Variants in LRP1B observed in about 807,000 individuals in gnomAD.
The protein encoded by LRP1B is low-density lipoprotein receptor-related protein 1B.
LRP1B carries 217 observed loss-of-function variants against 556.6 expected under a neutral mutation model. That is an observed-to-expected ratio of 0.39 (90% CI 0.35 to 0.44). The LOEUF (loss-of-function observed/expected upper bound fraction) is 0.44, where lower values mean the gene tolerates loss of function less well. Among genes scored for constraint, LRP1B ranks in the 20% least tolerant of loss-of-function variants. The pLI is 1.00. For synonymous variants in LRP1B, 2,047 were observed against 1,865.8 expected (o/e 1.10, Z -2.50); for missense variants, 5,053 against 5,620.8 (o/e 0.90, Z 3.23).
intron 7 of LRP1B, among the ~76,000 whole-genome samples, chr2:141,145,411 A>C (rs1701756725): frequency 6.6e-6 from 1 of 152,032 alleles, no homozygotes; most frequent in African/African-American, 2.4e-5. Context: ...ATTACATTGC[A>C]TATACTATGT....
intron 2 of LRP1B, among the ~76,000 whole-genome samples, chr2:141,583,874 G>A (rs952994392): frequency 6.6e-6 from 1 of 151,472 alleles, no homozygotes; most frequent in Non-Finnish European, 1.5e-5. Context: ...CAGGTAGCTG[G>A]GACTACAGCC....
chr2:142,104,848 C>T (rs1706691551), intron 1 of LRP1B, among the ~76,000 whole-genome samples: 1 of 152,284 alleles, frequency 6.6e-6, no homozygotes, highest in Middle Eastern at 3.4e-3. Flanking sequence ...TTCATATTGT[C>T]TTTACCTATC....
chr2:141,582,427 T>C (rs1291873114), intron 2 of LRP1B, among the ~76,000 whole-genome samples: 1 of 152,214 alleles, frequency 6.6e-6, no homozygotes, highest in Non-Finnish European at 1.5e-5. Context: ...CTGATAGGCA[T>C]AGTATTATTT....
At chr2:140,940,823 C>A (rs1695378500) in intron 20 of LRP1B, among the ~76,000 whole-genome samples, 1 of 152,080 alleles carries the variant, frequency 6.6e-6, no homozygotes, top group Non-Finnish European at 1.5e-5. Context: ...ATTTCTGGTT[C>A]TAGGTCTTTG....
At position 142,130,785 on chromosome 2, in the gene LRP1B, C is replaced by CCGGCGGCGG. The variant is rs3832053; in HGVS notation, c.-65_-57dup. On this transcript the variant is annotated 5_prime_UTR_variant, in exon 1 of 91. Coordinates refer to ENST00000389484, the MANE Select transcript of LRP1B (RefSeq NM_018557.3). ...GAGACTGCTCGGCGGCACCTTCGGC[C>CCGGCGGCGG]CGGCGGCGGCGGCGGCGGCAGGGGC... The CCGGCGGCGG allele has an allele frequency of 6.9e-6, 10 of 1,458,626 alleles. No individual in the cohort carries two copies. The highest frequency in any genetic ancestry group is 4.9e-5 in the East Asian group (2 of 40,722). 90.4% of individuals were successfully genotyped at this position (1,458,626 alleles called of 1,614,324 possible). A position where few individuals can be genotyped will look rare whatever the true frequency, so the allele number is the denominator to read the frequency against.
rs1420224880 is a variant in LRP1B, at chr2:140,390,449, G to T, written c.10415-4440C>A. Among the ~76,000 whole-genome samples the T allele has an allele frequency of 3.3e-5, 5 of 151,780 alleles. No individual in the cohort carries two copies. The East Asian group carries it at 9.7e-4, about 29-fold the overall frequency. ...TCCATCCCATGCCATACATAAAAAA[G>T]CAATCTGAAAGTATAAACATAATGT... On this transcript the variant is annotated intron_variant, in intron 66 of 90. Coordinates refer to ENST00000389484, the MANE Select transcript of LRP1B (RefSeq NM_018557.3).
In LRP1B at chr2:140,883,965, T is replaced by A. The variant is rs2105187477; in HGVS notation, c.4021A>T (p.Thr1341Ser). Residue 1341 changes from threonine to serine, a missense_variant, in exon 25 of 91, where the codon ACA (threonine) becomes TCA (serine). Thr to Ser is a moderately conservative substitution (Grantham distance 58). This residue lies in a region of LRP1B where 3,619 missense variants were observed against 3,931.9 expected (regional missense o/e 0.92). Transcript: ENST00000389484. Reference sequence around the variant, plus strand: ...ATGTTTCCTGCTATCCAGTCGACTGTCAGGCCTTCTGGAGTAGCCAGGCCA... The same window carrying A: ...ATGTTTCCTGCTATCCAGTCGACTGACAGGCCTTCTGGAGTAGCCAGGCCA... ...EHGLATPEGL[T>S]VDWIAGNIYW... 1 of 1,613,356 alleles carries A rather than the reference T, an allele frequency of 6.2e-7. No homozygotes were observed. Among genetic ancestry groups the A allele is most frequent in the South Asian group, 1.1e-5 (1 of 91,030 alleles).
At chr2:141,401,571 G>A (rs567414859) in intron 3 of LRP1B, among the ~76,000 whole-genome samples, 1 of 152,206 alleles carries the variant, frequency 6.6e-6, no homozygotes, top group East Asian at 1.9e-4. Context: ...TGCTAGCAAT[G>A]CATGCATCAC....
chr2:140,814,046 C>T (rs1349992421), intron 31 of LRP1B, among the ~76,000 whole-genome samples: 1 of 152,150 alleles, frequency 6.6e-6, no homozygotes, highest in Non-Finnish European at 1.5e-5. Flanking sequence ...GCAATTATAG[C>T]TCACTGCAGC....
Position 140,514,684 on chromosome 2 carries a change from C to A in LRP1B, c.8238G>T (p.Gly2746=), listed in dbSNP as rs61732738. 1 of 1,612,064 alleles carries A rather than the reference C, an allele frequency of 6.2e-7. No homozygotes were observed. Among genetic ancestry groups the A allele is most frequent in the Non-Finnish European group, 8.5e-7 (1 of 1,178,678 alleles). Residue 2746 remains glycine, a synonymous_variant, in exon 51 of 91, where the codon GGG becomes GGT. Coordinates refer to ENST00000389484, the MANE Select transcript of LRP1B (RefSeq NM_018557.3). The part of the protein sequence containing the change: ...HWICDGEDDC[G]DGLDESDSIC... ...TGCTGTCACTTTCATCTAACCCATC[C>A]CCACAGTCATCTTCTCCATCACAAA... is the stretch of plus-strand genomic sequence containing the variant.
intron 1 of LRP1B, among the ~76,000 whole-genome samples, chr2:141,833,172 A>T (rs1200520305): frequency 6.6e-6 from 1 of 151,776 alleles, no homozygotes; most frequent in Non-Finnish European, 1.5e-5. Context: ...CACTAAAATA[A>T]ATTTTAAAAT....
chr2:141,464,606 A>ATATTTTTTTTTTT, intron 3 of LRP1B, among the ~76,000 whole-genome samples: 31 of 90,430 alleles, frequency 3.4e-4, no homozygotes, highest in East Asian at 5.6e-4. Context: ...ATATATATAT[A>ATATTTTTTTTTTT]TTTTTTTAGT....
intron 17 of LRP1B, among the ~76,000 whole-genome samples, chr2:140,988,549 A>G (rs923054882): frequency 5.3e-5 from 8 of 151,772 alleles, no homozygotes; most frequent in Admixed American, 3.3e-4. Flanking sequence ...TAATACTCTT[A>G]CCGTGCTGGA....
intron 2 of LRP1B, among the ~76,000 whole-genome samples, chr2:141,511,785 A>G (rs955222631): frequency 1.3e-5 from 2 of 152,190 alleles, no homozygotes; most frequent in African/African-American, 4.8e-5. Flanking sequence ...AGTCAAAAGA[A>G]TGGCTTTAAC....
intron 29 of LRP1B, among the ~76,000 whole-genome samples, chr2:140,848,810 T>C (rs1343597916): frequency 6.6e-6 from 1 of 152,166 alleles, no homozygotes. Flanking sequence ...TGCCAAACTT[T>C]AAGCAAATAT....
intron 1 of LRP1B, among the ~76,000 whole-genome samples, chr2:141,865,314 C>T (rs1031523279): frequency 7.9e-5 from 12 of 151,966 alleles, no homozygotes; most frequent in Non-Finnish European, 1.5e-4. Context: ...CAGAAATGGC[C>T]GGGCGCGGTG....
At chr2:140,869,522 T>C (rs969988708) in intron 25 of LRP1B, among the ~76,000 whole-genome samples, 2 of 152,084 alleles carry the variant, frequency 1.3e-5, no homozygotes, top group Non-Finnish European at 2.9e-5. Flanking sequence ...GTGGCTATTA[T>C]ACAGAGAATA....
At chr2:142,115,965 C>T (rs1707257681) in intron 1 of LRP1B, among the ~76,000 whole-genome samples, 1 of 139,976 alleles carries the variant, frequency 7.1e-6, no homozygotes, top group South Asian at 2.2e-4. Flanking sequence ...ACCTGTAATC[C>T]CAGCACTTTG....
At chr2:140,683,481 C>G in intron 41 of LRP1B, 1 of 568,216 alleles carries the variant, frequency 1.8e-6, no homozygotes, top group South Asian at 1.6e-5. Context: ...ACAGCTGACC[C>G]AAGGTTTGAG....
Sources: allele counts gnomAD v4.1 joint callset (sites outside exome capture counted in the v4.1 genomes callset), GRCh38; gene constraint gnomAD v4.1.1; regional missense constraint gnomAD v4.1.1; transcripts MANE v1.5; gene names NCBI Gene and HGNC (gene_info 2026-07-23, HGNC 2026-07-21).